Variants in CNTN3 observed in about 807,000 individuals in gnomAD.
The protein encoded by CNTN3 is contactin 3, also known as contactin-3.
In CNTN3, 60 loss-of-function variants were observed where a neutral mutation model predicts 119.1. The ratio of observed to expected loss-of-function variants is 0.50; its 90% CI spans 0.41 to 0.62. The LOEUF (loss-of-function observed/expected upper bound fraction) is 0.62, where lower values mean the gene tolerates loss of function less well. CNTN3 is among the 20% of genes least tolerant of loss of function. CNTN3 has a pLI of 0.00. For synonymous variants in CNTN3, 450 were observed against 438.7 expected (o/e 1.03, Z -0.32); for missense variants, 1,101 against 1,242.4 (o/e 0.89, Z 1.71).
At chr3:74,432,143 C>G (rs774737803) in intron 4 of CNTN3, among the ~76,000 whole-genome samples, 74 of 152,174 alleles carry the variant, frequency 4.9e-4, no homozygotes, top group Non-Finnish European at 2.8e-4. Context: ...GACAAGATTG[C>G]CTTTGAAAGA....
intron 13 of CNTN3, among the ~76,000 whole-genome samples, chr3:74,332,091 T>C (rs889501641): frequency 6.6e-6 from 1 of 152,222 alleles, no homozygotes; most frequent in Non-Finnish European, 1.5e-5. Context: ...CTATCCACCT[T>C]TCTAGGCAAC....
At chr3:74,512,909 G>T (rs563384306) in intron 2 of CNTN3, among the ~76,000 whole-genome samples, 4 of 29,650 alleles carry the variant, frequency 1.3e-4, no homozygotes, top group Non-Finnish European at 4.4e-4. Flanking sequence ...CTTAAATATC[G>T]CTTGCAAGTG....
At chr3:74,583,762 A>T (rs7431632) in intron 1 of CNTN3, among the ~76,000 whole-genome samples, 115,957 of 151,718 alleles carry the variant, frequency 0.76, 46,974 homozygotes, top group Non-Finnish European at 0.91. Context: ...ATAATCTATT[A>T]GAGAAGATTA....
intron 1 of CNTN3, among the ~76,000 whole-genome samples, chr3:74,525,677 A>G (rs1335393328): frequency 6.6e-6 from 1 of 152,042 alleles, no homozygotes; most frequent in East Asian, 1.9e-4. Context: ...GCTAAAGCTT[A>G]ATATATTCAC....
At chr3:74,511,108 G>A (rs945315429) in intron 2 of CNTN3, among the ~76,000 whole-genome samples, 3 of 152,102 alleles carry the variant, frequency 2.0e-5, no homozygotes, top group African/African-American at 7.2e-5. Context: ...AATTTCAGGA[G>A]GGGAGAAAAC....
At chr3:74,360,097 C>T (rs564790706) in intron 11 of CNTN3, among the ~76,000 whole-genome samples, 12 of 152,262 alleles carry the variant, frequency 7.9e-5, no homozygotes, top group South Asian at 4.1e-4. Flanking sequence ...AAGGCATCTT[C>T]GGCTAAATAC....
intron 19 of CNTN3, among the ~76,000 whole-genome samples, chr3:74,286,815 G>A (rs1702123760): frequency 6.6e-6 from 1 of 152,178 alleles, no homozygotes; most frequent in Non-Finnish European, 1.5e-5. Context: ...CCAGACACCT[G>A]AGAGATACAG....
At chr3:74,275,951 G>T (rs1210387890) in intron 20 of CNTN3, among the ~76,000 whole-genome samples, 1 of 152,012 alleles carries the variant, frequency 6.6e-6, no homozygotes, top group African/African-American at 2.4e-5. Flanking sequence ...CTGGAAAAAG[G>T]CATTTCATGC....
chr3:74,431,002 C>A (rs1701774835), intron 4 of CNTN3, among the ~76,000 whole-genome samples: 1 of 152,126 alleles, frequency 6.6e-6, no homozygotes. Context: ...TCTCCGAAGT[C>A]AACATCAAAG....
intron 5 of CNTN3, among the ~76,000 whole-genome samples, chr3:74,380,146 A>C (rs1415014312): frequency 1.3e-5 from 2 of 152,232 alleles, no homozygotes; most frequent in African/African-American, 4.8e-5. Context: ...TTTCAGTATC[A>C]AAATGTACCT....
intron 5 of CNTN3, among the ~76,000 whole-genome samples, chr3:74,389,763 C>T (rs530296246): frequency 7.9e-5 from 12 of 152,160 alleles, no homozygotes; most frequent in Non-Finnish European, 1.6e-4. Flanking sequence ...CAAATCTAAG[C>T]AGTTCTGCAC....
intron 1 of CNTN3, among the ~76,000 whole-genome samples, chr3:74,601,774 A>G (rs533461427): frequency 2.0e-5 from 3 of 152,226 alleles, no homozygotes; most frequent in South Asian, 2.1e-4. Flanking sequence ...GGCCAACAGT[A>G]TGAGGCAGAA....
intron 2 of CNTN3, among the ~76,000 whole-genome samples, chr3:74,506,302 G>C (rs568011441): frequency 3.3e-5 from 5 of 152,232 alleles, no homozygotes; most frequent in African/African-American, 9.6e-5. Flanking sequence ...GGACTTGAGA[G>C]TACTTCTAAA....
At chr3:74,603,764 T>G (rs1048628813) in intron 1 of CNTN3, among the ~76,000 whole-genome samples, 1 of 152,000 alleles carries the variant, frequency 6.6e-6, no homozygotes, top group Non-Finnish European at 1.5e-5. Flanking sequence ...ACAGATTCAG[T>G]GCAAGTCCTA....
intron 2 of CNTN3, among the ~76,000 whole-genome samples, chr3:74,512,455 T>A (rs181334631): frequency 6.6e-6 from 1 of 152,050 alleles, no homozygotes; most frequent in East Asian, 1.9e-4. Context: ...ACTGGATCAG[T>A]TCTCATTGAG....
chr3:74,362,829 T>C lies in CNTN3; in HGVS notation c.1214-789A>G, dbSNP rs367560252. Among the ~76,000 whole-genome samples the C allele has an allele frequency of 8.5e-5, 13 of 152,322 alleles. No individual in the cohort carries two copies. In the East Asian group the frequency reaches 2.5e-3, roughly 29 times the overall value. The stretch of plus-strand genomic sequence containing the variant: ...GGCAAATCCAAGTGAATACAATTTA[T>C]TTATTTGATTAGTGGAAATCTTAGA... On this transcript the variant is annotated intron_variant, in intron 10 of 22. Transcript: ENST00000263665.
At chr3:74,497,201 T>C (rs755328758) in intron 3 of CNTN3, among the ~76,000 whole-genome samples, 2 of 152,014 alleles carry the variant, frequency 1.3e-5, no homozygotes, top group Non-Finnish European at 2.9e-5. Context: ...TCATTATATA[T>C]TTAGAGTATT....
At chr3:74,612,528 G>A (rs998685453) in intron 1 of CNTN3, among the ~76,000 whole-genome samples, 9 of 152,184 alleles carry the variant, frequency 5.9e-5, no homozygotes, top group African/African-American at 2.2e-4. Context: ...AGGAGGACAT[G>A]AGGCTGAATG....
At chr3:74,277,638 A>G (rs1701907381) in intron 20 of CNTN3, among the ~76,000 whole-genome samples, 1 of 152,186 alleles carries the variant, frequency 6.6e-6, no homozygotes. Context: ...AAAGCCATCT[A>G]TGACAACCCC....
Sources: allele counts gnomAD v4.1 joint callset (sites outside exome capture counted in the v4.1 genomes callset), GRCh38; gene constraint gnomAD v4.1.1; transcripts MANE v1.5; gene names NCBI Gene and HGNC (gene_info 2026-07-23, HGNC 2026-07-21).